TGFBR3: variants seen among roughly 807,000 people sequenced by gnomAD.
TGFBR3 encodes transforming growth factor beta receptor 3.
TGFBR3 carries 46 observed loss-of-function variants against 87.9 expected under a neutral mutation model. The ratio of observed to expected loss-of-function variants is 0.52; its 90% confidence interval spans 0.41 to 0.67. TGFBR3 has a LOEUF of 0.67. TGFBR3 is among the 30% of genes least tolerant of loss of function. The pLI is 0.00. For synonymous variants in TGFBR3, 381 were observed against 391.6 expected (o/e 0.97, Z 0.32); for missense variants, 866 against 1,041.9 (o/e 0.83, Z 2.32).
intron 3 of TGFBR3, among the ~76,000 whole-genome samples, chr1:91,761,022 T>C (rs1013298400): frequency 2.0e-5 from 3 of 152,234 alleles, no homozygotes; most frequent in Admixed American, 1.3e-4. Flanking sequence ...TTCAAGACTA[T>C]TTACTGAGTA....
intron 1 of TGFBR3, among the ~76,000 whole-genome samples, chr1:91,873,988 C>T (rs1368138854): frequency 6.6e-6 from 1 of 151,940 alleles, no homozygotes; most frequent in Non-Finnish European, 1.5e-5. Flanking sequence ...GCTTCTTATT[C>T]ATTTAATAAT....
chr1:91,779,630 G>A (rs1674693867), intron 3 of TGFBR3, among the ~76,000 whole-genome samples: 1 of 152,188 alleles, frequency 6.6e-6, no homozygotes, highest in Non-Finnish European at 1.5e-5. Flanking sequence ...GGAAGTCATG[G>A]ATAATAATGC....
At chr1:91,805,695 C>G (rs1290543220) in intron 2 of TGFBR3, among the ~76,000 whole-genome samples, 1 of 151,636 alleles carries the variant, frequency 6.6e-6, no homozygotes, top group Non-Finnish European at 1.5e-5. Flanking sequence ...CTCCCTGGGC[C>G]GCTGCCTTGT....
chr1:91,714,705 G>C (rs751879209), intron 12 of TGFBR3, among the ~76,000 whole-genome samples: 53 of 152,220 alleles, frequency 3.5e-4, no homozygotes, highest in Non-Finnish European at 6.3e-4. Flanking sequence ...AGAACAATCT[G>C]CAATTATGCA....
At chr1:91,755,744 C>T (rs944991997) in intron 4 of TGFBR3, among the ~76,000 whole-genome samples, 4 of 152,082 alleles carry the variant, frequency 2.6e-5, no homozygotes, top group African/African-American at 4.8e-5. Context: ...AGACACTTTC[C>T]GTCAAAACCC....
At chr1:91,896,868 G>C (rs1363312632) in intron 2 of TGFBR3, among the ~76,000 whole-genome samples, 1 of 151,294 alleles carries the variant, frequency 6.6e-6, no homozygotes, top group Non-Finnish European at 1.5e-5. Flanking sequence ...GAGAAAGGAA[G>C]GAAGCCCTCA....
At chr1:91,886,169 C>A, upstream of TGFBR3, 2 of 454,016 alleles carry the variant, frequency 4.4e-6, no homozygotes, top group African/African-American at 2.0e-5. Flanking sequence ...TCAGGCCGAC[C>A]CGGCGCACTC....
Position 91,729,960 on chromosome 1 carries a change from A to G in TGFBR3, c.582T>C (p.Pro194=). The change falls in exon 6 of 17, where the codon CCT becomes CCC. Residue 194 remains proline (P), a synonymous_variant. Transcript: ENST00000212355. ...YIKVGEDQVF[P]PKCNIGKNFL... ...AATTCTTCCCTATGTTGCACTTTGG[A>G]GGGAACACTTGATCTGAAAGAGGCA... 6.2e-7 allele frequency: 1 copy of G among 1,614,118 alleles called. No homozygotes were observed. Among genetic ancestry groups the G allele is most frequent in the Non-Finnish European group, 8.5e-7 (1 of 1,180,010 alleles).
intron 14 of TGFBR3, among the ~76,000 whole-genome samples, chr1:91,700,305 G>A (rs1671577538): frequency 1.3e-5 from 2 of 152,278 alleles, no homozygotes; most frequent in East Asian, 1.9e-4. Flanking sequence ...CACACCTTAT[G>A]TCTGAATTCA....
chr1:91,806,643 G>C (rs1323218481), intron 2 of TGFBR3, among the ~76,000 whole-genome samples: 2 of 152,186 alleles, frequency 1.3e-5, no homozygotes, highest in Non-Finnish European at 2.9e-5. Flanking sequence ...GGGTTCTAAT[G>C]AGGAGCGTGT....
At chr1:91,809,667 G>T (rs186776374) in intron 2 of TGFBR3, among the ~76,000 whole-genome samples, 6 of 152,268 alleles carry the variant, frequency 3.9e-5, no homozygotes, top group African/African-American at 1.4e-4. Flanking sequence ...ACATAATCAG[G>T]GCACTCACAA....
At chr1:91,697,705 A>G (rs561611551) in intron 15 of TGFBR3, among the ~76,000 whole-genome samples, 7 of 152,358 alleles carry the variant, frequency 4.6e-5, no homozygotes, top group South Asian at 4.1e-4. Flanking sequence ...CTCTGAGCAG[A>G]TAAATATTGT....
rs59188054 is a variant in TGFBR3, at chr1:91,682,404, CTT to C, written c.*1333_*1334del. The C allele has an allele frequency of 0.019, 6,414 of 329,234 alleles. No homozygotes were observed. The highest frequency in any genetic ancestry group is 0.033 in the Middle Eastern group (30 of 916). 20.4% of individuals were successfully genotyped at this position (329,234 alleles called of 1,614,324 possible). ...AGCATGATAATTCCCCCCTGGCATTCTTTTTTTTTTTTTTTTTTTTTAACAAG... is the reference window on the plus strand; with the variant it reads ...AGCATGATAATTCCCCCCTGGCATTCTTTTTTTTTTTTTTTTTTTAACAAG... On this transcript the variant is annotated 3_prime_UTR_variant, in exon 17 of 17. Transcript: ENST00000212355.
At chr1:91,850,779 T>TC (rs1480136791) in intron 2 of TGFBR3, among the ~76,000 whole-genome samples, 1 of 71,748 alleles carries the variant, frequency 1.4e-5, no homozygotes, top group African/African-American at 7.4e-5. Context: ...AGACCCTGTC[T>TC]CAAAAAAAAA....
intron 2 of TGFBR3, among the ~76,000 whole-genome samples, chr1:91,845,809 C>G (rs1677445579): frequency 2.6e-5 from 4 of 152,122 alleles, no homozygotes. Flanking sequence ...CATGAGGAAC[C>G]TGACTTGTTT....
intron 3 of TGFBR3, among the ~76,000 whole-genome samples, chr1:91,779,248 C>A (rs1674681214): frequency 6.6e-6 from 1 of 152,208 alleles, no homozygotes; most frequent in Admixed American, 6.5e-5. Context: ...ATGATAGCAG[C>A]TGACATTTAT....
At chr1:91,841,834 G>A (rs1677298289) in intron 2 of TGFBR3, among the ~76,000 whole-genome samples, 1 of 148,104 alleles carries the variant, frequency 6.8e-6, no homozygotes, top group Middle Eastern at 3.8e-3. Flanking sequence ...GCCAGGTGGA[G>A]TGGCTCACAC....
Position 91,683,539 on chromosome 1 carries a change from CAGGGTCA to C in TGFBR3, c.*193_*199del. Reference sequence around the variant, plus strand: ...TGAATTCTAGTGTGGTACAGAAGCCCAGGGTCATGTTTATACTAGCCCTGGGTGTGGG... The same window carrying C: ...TGAATTCTAGTGTGGTACAGAAGCCCTGTTTATACTAGCCCTGGGTGTGGG... On this transcript the variant is annotated 3_prime_UTR_variant, in exon 17 of 17. Coordinates refer to ENST00000212355, the MANE Select transcript of TGFBR3 (RefSeq NM_003243.5). The C allele has an allele frequency of 1.4e-6, 1 of 698,570 alleles. No individual in the cohort carries two copies. The highest frequency in any genetic ancestry group is 1.5e-5 in the South Asian group (1 of 66,640). 43.3% of individuals were successfully genotyped at this position (698,570 alleles called of 1,614,324 possible).
intron 2 of TGFBR3, among the ~76,000 whole-genome samples, chr1:91,832,301 T>TA (rs1676879895): frequency 6.6e-6 from 1 of 152,258 alleles, no homozygotes; most frequent in Non-Finnish European, 1.5e-5. Flanking sequence ...TTGCAAATAC[T>TA]AAGGTCATCT....
Sources: gnomAD v4.1 joint callset for allele counts (sites outside exome capture counted in the v4.1 genomes callset) on GRCh38, gnomAD v4.1.1 for gene constraint, MANE v1.5 for transcripts, NCBI Gene and HGNC (gene_info 2026-07-23, HGNC 2026-07-21) for gene names.